Variants in ARHGAP18 observed in about 807,000 individuals in gnomAD.
The protein encoded by ARHGAP18 is rho GTPase-activating protein 18.
A neutral mutation model predicts 86.2 loss-of-function variants in ARHGAP18; 67 were observed. The observed-to-expected ratio is 0.78, with a 90% CI of 0.64 to 0.95. The LOEUF (loss-of-function observed/expected upper bound fraction) is 0.95, where lower values mean the gene tolerates loss of function less well. ARHGAP18 is among the 40% of genes least tolerant of loss of function. The probability of loss-of-function intolerance (pLI) is 0.00; values close to 1 mark genes in which losing one functional copy is unlikely to be tolerated. For missense variants in ARHGAP18, 691 were observed against 780.4 expected (o/e 0.89, Z 1.37); for synonymous variants, 283 against 280.4 (o/e 1.01, Z -0.09).
In ARHGAP18 at chr6:129,600,673, A is replaced by G; in HGVS notation, c.1541T>C (p.Leu514Ser). 1.2e-6 allele frequency: 2 copies of G among 1,613,594 alleles called. No homozygotes were observed. The highest frequency in any genetic ancestry group is 8.5e-7 in the Non-Finnish European group (1 of 1,179,710). Residue 514 changes from leucine to serine, a missense_variant, in exon 11 of 15, where the codon TTA becomes TCA. Leu to Ser is a moderately radical substitution (Grantham distance 145). Transcript: ENST00000368149. ...MAAGTANTMH[L>S]LIKYQKLLWT... ...CAGAAGTTTTTGGTACTTAATCAAT[A>G]AGTGCATGGTATTTGCTGTCCCAGC... is the stretch of plus-strand genomic sequence containing the variant.
chr6:129,613,855 A>G (rs993260933), intron 7 of ARHGAP18, among the ~76,000 whole-genome samples: 4 of 152,160 alleles, frequency 2.6e-5, no homozygotes, highest in Non-Finnish European at 4.4e-5. Flanking sequence ...TTACTAATGT[A>G]TCTATGTTCT....
chr6:129,603,791 C>T (rs1354995266), intron 10 of ARHGAP18, among the ~76,000 whole-genome samples: 14 of 152,160 alleles, frequency 9.2e-5, no homozygotes, highest in Admixed American at 9.2e-4. Flanking sequence ...TGAAAAGTAA[C>T]TGTAGTTAAG....
intron 1 of ARHGAP18, among the ~76,000 whole-genome samples, chr6:129,677,232 A>C (rs1371163521): frequency 6.6e-6 from 1 of 152,036 alleles, no homozygotes; most frequent in Non-Finnish European, 1.5e-5. Context: ...TCTCTACTAA[A>C]ATTACAAAAA....
chr6:129,600,926 T>A, intron 10 of ARHGAP18, 78 bp from the exon 11 acceptor site: 2 of 1,281,232 alleles, frequency 1.6e-6, no homozygotes, highest in Non-Finnish European at 1.1e-6. Context: ...TATGCAATTT[T>A]TATTTCATTG....
chr6:129,640,813 A>G (rs907560106), intron 2 of ARHGAP18, among the ~76,000 whole-genome samples: 1 of 152,214 alleles, frequency 6.6e-6, no homozygotes, highest in African/African-American at 2.4e-5. Flanking sequence ...ATCAACTTAT[A>G]TAAACATACT....
Position 129,634,022 on chromosome 6 carries a change from A to T in ARHGAP18, c.616+20T>A. The T allele has an allele frequency of 6.3e-7, 1 of 1,581,404 alleles. No homozygotes were observed. The highest frequency in any genetic ancestry group is 1.2e-5 in the South Asian group (1 of 84,750). ...TAAAGGGCGGAAAAAAAAAAAAACAAGAGAACAGGTTCAACATACCATCTC... is the reference window on the plus strand; with the variant it reads ...TAAAGGGCGGAAAAAAAAAAAAACATGAGAACAGGTTCAACATACCATCTC... On this transcript the variant is annotated intron_variant, in intron 4 of 14. Coordinates refer to ENST00000368149, the MANE Select transcript of ARHGAP18 (RefSeq NM_033515.3).
At chr6:129,608,250 A>G (rs1408562512) in intron 8 of ARHGAP18, among the ~76,000 whole-genome samples, 198 bp from the exon 9 acceptor site, 1 of 152,068 alleles carries the variant, frequency 6.6e-6, no homozygotes, top group African/African-American at 2.4e-5. Context: ...GTACTTTACC[A>G]ACAAAAAACT....
chr6:129,600,106 T>C (rs1788707943), intron 11 of ARHGAP18, among the ~76,000 whole-genome samples: 1 of 152,160 alleles, frequency 6.6e-6, no homozygotes, highest in Admixed American at 6.6e-5. Flanking sequence ...TTCAATATTA[T>C]AATTTTGCTT....
chr6:129,667,503 G>A (rs9402161), intron 1 of ARHGAP18, among the ~76,000 whole-genome samples: 13,052 of 145,274 alleles, frequency 0.09, 746 homozygotes, highest in Admixed American at 0.14. Flanking sequence ...GTGTGTGTGT[G>A]TGTTGTGTAT....
At chr6:129,600,463 A>C (rs1469363830) in intron 11 of ARHGAP18, among the ~76,000 whole-genome samples, 179 bp downstream of exon 11, 1 of 152,234 alleles carries the variant, frequency 6.6e-6, no homozygotes, top group African/African-American at 2.4e-5. Flanking sequence ...ACTTCTTACA[A>C]GGCATGTTTT....
intron 1 of ARHGAP18, among the ~76,000 whole-genome samples, chr6:129,643,853 A>G (rs1773520857): frequency 1.3e-5 from 2 of 152,206 alleles, no homozygotes; most frequent in Non-Finnish European, 2.9e-5. Context: ...AGGGTCACTA[A>G]ACTCTGGGCG....
intron 10 of ARHGAP18, among the ~76,000 whole-genome samples, chr6:129,601,404 GAGGATC>G (rs1788740442): frequency 6.6e-6 from 1 of 151,956 alleles, no homozygotes; most frequent in African/African-American, 2.4e-5. Context: ...AGATCGGTGG[GAGGATC>G]ATCTGAGCTT....
intron 8 of ARHGAP18, among the ~76,000 whole-genome samples, chr6:129,608,573 A>T (rs576849523): frequency 1.2e-3 from 190 of 152,342 alleles, no homozygotes; most frequent in Non-Finnish European, 2.5e-3. Flanking sequence ...AAGAAAATAC[A>T]TCAATATACC....
At chr6:129,679,364 C>T (rs1230380034) in intron 1 of ARHGAP18, among the ~76,000 whole-genome samples, 1 of 152,092 alleles carries the variant, frequency 6.6e-6, no homozygotes, top group Non-Finnish European at 1.5e-5. Flanking sequence ...CTGGCAAGAA[C>T]ATAAAAAGAA....
chr6:129,694,619 G>A (rs17057625), intron 1 of ARHGAP18, among the ~76,000 whole-genome samples: 14,590 of 152,154 alleles, frequency 0.096, 837 homozygotes, highest in East Asian at 0.22. Flanking sequence ...AATACAAAAC[G>A]CTTAAAATGC....
intron 14 of ARHGAP18, 152 bp downstream of exon 14, chr6:129,579,918 A>T: frequency 2.8e-6 from 2 of 710,924 alleles, no homozygotes; most frequent in Non-Finnish European, 4.7e-6. Context: ...AGAAAGGTCA[A>T]ACCATTAAAG....
intron 5 of ARHGAP18, among the ~76,000 whole-genome samples, chr6:129,621,381 T>C (rs1340943647): frequency 2.0e-5 from 3 of 152,210 alleles, no homozygotes; most frequent in Non-Finnish European, 4.4e-5. Flanking sequence ...TGTGTTTTTT[T>C]TCCTAGGAGA....
At position 129,687,383 on chromosome 6, in the gene ARHGAP18, T is replaced by C. The variant is rs374106688; in HGVS notation, c.113+22641A>G. Among the ~76,000 whole-genome samples the C allele has an allele frequency of 6.5e-4, 99 of 152,226 alleles. 4 individuals carry two copies. In the South Asian group the frequency reaches 0.02, roughly 31 times the overall value. ...GCATATAGCTGAAACCTCACCCACATAGTGTTAAGAAAGCGTTTCCTGCCT... is the reference window on the plus strand; with the variant it reads ...GCATATAGCTGAAACCTCACCCACACAGTGTTAAGAAAGCGTTTCCTGCCT... On this transcript the variant is annotated intron_variant, in intron 1 of 14. Transcript: ENST00000368149.
At chr6:129,660,685 CA>C (rs1468352429) in intron 1 of ARHGAP18, among the ~76,000 whole-genome samples, 15 of 152,122 alleles carry the variant, frequency 9.9e-5, no homozygotes, top group Admixed American at 3.9e-4. Flanking sequence ...TGCATTTTAA[CA>C]AAATCCCAAG....
Sources: allele counts gnomAD v4.1 joint callset (sites outside exome capture counted in the v4.1 genomes callset), GRCh38; gene constraint gnomAD v4.1.1; transcripts MANE v1.5; gene names NCBI Gene and HGNC (gene_info 2026-07-23, HGNC 2026-07-21).